Variants in MTSS1 observed in about 807,000 individuals in gnomAD.
The protein encoded by MTSS1 is protein MTSS 1.
A neutral mutation model predicts 79.0 loss-of-function variants in MTSS1; 18 were observed. The observed-to-expected ratio is 0.23, with a 90% CI of 0.16 to 0.34. MTSS1 has a LOEUF of 0.34. MTSS1 is among the 10% of genes least tolerant of loss of function. MTSS1 has a pLI of 1.00. For missense variants in MTSS1, 815 were observed against 986.2 expected (o/e 0.83, Z 2.33); for synonymous variants, 341 against 368.6 (o/e 0.93, Z 0.86).
At chr8:124,572,288 C>A (rs554011679) in intron 6 of MTSS1, among the ~76,000 whole-genome samples, 72 of 152,254 alleles carry the variant, frequency 4.7e-4, no homozygotes, top group African/African-American at 1.7e-3. Context: ...ATAGTCAAGA[C>A]ATTTCCATTC....
chr8:124,727,476 C>G lies in MTSS1; in HGVS notation c.72+408G>C. Reference sequence around the variant, plus strand: ...GGCAGAGCCCCCACTTCCTCCCCACCACCGCGCCAGGCGCCCCCACCCCGT... The same window carrying G: ...GGCAGAGCCCCCACTTCCTCCCCACGACCGCGCCAGGCGCCCCCACCCCGT... On this transcript the variant is annotated intron_variant, in intron 1 of 13. Coordinates refer to ENST00000518547, the MANE Select transcript of MTSS1 (RefSeq NM_014751.6). The surrounding 1 kb of genome is among the most constrained non-coding windows in gnomAD (Gnocchi z 4.7). 2.2e-6 allele frequency: 1 copy of G among 448,024 alleles called. No individual in the cohort carries two copies. The highest frequency in any genetic ancestry group is 4.5e-6 in the Non-Finnish European group (1 of 223,974). The allele number at this position is 448,024 out of a possible 1,614,324, so 27.8% of individuals were successfully genotyped here.
At chr8:124,708,924 G>A (rs1830757241) in intron 1 of MTSS1, among the ~76,000 whole-genome samples, 1 of 148,338 alleles carries the variant, frequency 6.7e-6, no homozygotes, top group African/African-American at 2.5e-5. Context: ...AAACCTCCTT[G>A]TTGAGAAATG....
Position 124,568,512 on chromosome 8 carries a change from A to G in MTSS1, c.485T>C (p.Leu162Ser), listed in dbSNP as rs1404875908. 1.2e-6 allele frequency: 2 copies of G among 1,614,200 alleles called. No individual in the cohort carries two copies. Among genetic ancestry groups the G allele is most frequent in the Non-Finnish European group, 8.5e-7 (1 of 1,180,030 alleles). ...ATTGACATCTTGGAGAGCACTGTCC[A>G]ACTGAGGCTGGATATCACCTCTCCC... ...KKGRGDIQPQLDSALQDVNDK... is the reference protein window; with the variant it reads ...KKGRGDIQPQSDSALQDVNDK... Residue 162 changes from leucine to serine, a missense_variant, in exon 7 of 14, where the codon TTG becomes TCG. Leu to Ser is a moderately radical substitution (Grantham distance 145). Transcript: ENST00000518547.
chr8:124,714,389 G>A (rs1414352308), intron 1 of MTSS1, among the ~76,000 whole-genome samples: 1 of 152,206 alleles, frequency 6.6e-6, no homozygotes, highest in African/African-American at 2.4e-5. Context: ...TTGCCCTCAC[G>A]CCCGGTTAAC....
chr8:124,628,770 C>A (rs1289411027), intron 3 of MTSS1, among the ~76,000 whole-genome samples: 1 of 152,198 alleles, frequency 6.6e-6, no homozygotes, highest in East Asian at 1.9e-4. Flanking sequence ...CTCGCAACAA[C>A]CCTCTGAGGC....
In MTSS1 at chr8:124,719,640, G is replaced by A. The variant is rs575749464; in HGVS notation, c.72+8244C>T. On this transcript the variant is annotated intron_variant, in intron 1 of 13. Transcript: ENST00000518547. ...ATCGTATTTGACGAATACATGTACT[G>A]TGTCCTCTCAAATTACTTATATGTT... Among the ~76,000 whole-genome samples the A allele has an allele frequency of 3.9e-5, 6 of 152,346 alleles. No individual in the cohort carries two copies. In the East Asian group the frequency reaches 5.8e-4, roughly 15 times the overall value.
At chr8:124,704,701 T>G (rs1323667096) in intron 1 of MTSS1, among the ~76,000 whole-genome samples, 1 of 152,134 alleles carries the variant, frequency 6.6e-6, no homozygotes, top group Non-Finnish European at 1.5e-5. Flanking sequence ...GCCCAACACC[T>G]AGGGACAGTA....
chr8:124,725,652 G>C (rs1019395750), intron 1 of MTSS1, among the ~76,000 whole-genome samples: 2 of 152,198 alleles, frequency 1.3e-5, no homozygotes, highest in African/African-American at 4.8e-5. Context: ...TAGAAAGTCA[G>C]TTGATTTCAG....
intron 9 of MTSS1, chr8:124,563,423 G>A (rs188250434): frequency 1.4e-3 from 287 of 206,622 alleles, no homozygotes; most frequent in Non-Finnish European, 2.2e-3. Context: ...AAGTCCACTG[G>A]GGCTTCAGCA....
At chr8:124,643,276 A>G (rs1818394522) in intron 3 of MTSS1, among the ~76,000 whole-genome samples, 1 of 152,220 alleles carries the variant, frequency 6.6e-6, no homozygotes, top group South Asian at 2.1e-4. Context: ...CTGCAGCATC[A>G]TTTAGAATAC....
chr8:124,569,218 T>C (rs912204087), intron 6 of MTSS1, among the ~76,000 whole-genome samples: 1 of 152,188 alleles, frequency 6.6e-6, no homozygotes, highest in Non-Finnish European at 1.5e-5. Flanking sequence ...AGGAATTATC[T>C]GGCCAGGTCC....
chr8:124,658,085 G>T (rs571106029), intron 3 of MTSS1, among the ~76,000 whole-genome samples: 66 of 152,260 alleles, frequency 4.3e-4, no homozygotes, highest in African/African-American at 1.5e-3. Context: ...CCCTCACCAG[G>T]AGCCAAATGA....
chr8:124,636,678 T>TA (rs1817058958), intron 3 of MTSS1, among the ~76,000 whole-genome samples: 1 of 152,172 alleles, frequency 6.6e-6, no homozygotes, highest in Non-Finnish European at 1.5e-5. Flanking sequence ...GCTGTCCACT[T>TA]AGAGGTACAG....
chr8:124,688,332 CTG>C lies in MTSS1; in HGVS notation c.208+11192_208+11193del, dbSNP rs933011287. Among the ~76,000 whole-genome samples, 22 of 78,590 alleles carry C rather than the reference CTG, an allele frequency of 2.8e-4. No homozygotes were observed. In the East Asian group the frequency reaches 7.1e-3, roughly 25 times the overall value. 51.6% of individuals were successfully genotyped at this position (78,590 alleles called of 152,430 possible). ...TATGTGTATGTGTACATGTGTACGT[CTG>C]TGTGTATGTGTGTTGTGTGTGTGTT... is the stretch of plus-strand genomic sequence containing the variant. On this transcript the variant is annotated intron_variant, in intron 3 of 13. Coordinates refer to ENST00000518547, the MANE Select transcript of MTSS1 (RefSeq NM_014751.6).
chr8:124,695,528 T>C (rs962680123), intron 3 of MTSS1, among the ~76,000 whole-genome samples: 7 of 152,192 alleles, frequency 4.6e-5, no homozygotes, highest in Non-Finnish European at 7.3e-5. Context: ...TGGTGATCCA[T>C]ACATCATTAA....
rs1457347628 is a variant in MTSS1, at chr8:124,565,648, C to T, written c.824+14G>A. 1 of 1,609,498 alleles carries T rather than the reference C, an allele frequency of 6.2e-7. No individual in the cohort carries two copies. Among genetic ancestry groups the T allele is most frequent in the South Asian group, 1.1e-5 (1 of 90,960 alleles). On this transcript the variant is annotated intron_variant, in intron 9 of 13. Transcript: ENST00000518547. ...CCCGTCCTGAAAGCAAGAGTGGACC[C>T]CGGCTTCACTCACCTGCAGACACTG...
chr8:124,703,048 C>A (rs745985242), intron 2 of MTSS1, among the ~76,000 whole-genome samples: 2 of 152,152 alleles, frequency 1.3e-5, no homozygotes. Flanking sequence ...CCATAAAATA[C>A]ACCCTTTTTC....
intron 3 of MTSS1, among the ~76,000 whole-genome samples, chr8:124,614,208 G>T (rs1421218206): frequency 6.6e-6 from 1 of 151,704 alleles, no homozygotes; most frequent in East Asian, 1.9e-4. Flanking sequence ...GCAAGAGGTG[G>T]TAGCAAAGAC....
chr8:124,718,680 C>T (rs1186045308), intron 1 of MTSS1, among the ~76,000 whole-genome samples: 1 of 152,160 alleles, frequency 6.6e-6, no homozygotes, highest in African/African-American at 2.4e-5. Context: ...CTGAGCTCTC[C>T]CAGCCTCCTT....
Sources: allele counts gnomAD v4.1 joint callset (sites outside exome capture counted in the v4.1 genomes callset), GRCh38; gene constraint gnomAD v4.1.1; non-coding constraint Gnocchi (gnomAD v3.1); transcripts MANE v1.5; gene names NCBI Gene and HGNC (gene_info 2026-07-23, HGNC 2026-07-21).